Variants in PDE11A observed in about 807,000 individuals in gnomAD.
PDE11A encodes the protein phosphodiesterase 11A, also known as dual 3',5'-cyclic-AMP and -GMP phosphodiesterase 11A.
PDE11A carries 100 observed loss-of-function variants against 100.5 expected under a neutral mutation model. The observed-to-expected ratio is 1.00, with a 90% confidence interval of 0.85 to 1.18. The LOEUF is 1.18. Ranked by LOEUF, PDE11A falls within the 50% of genes most tolerant of loss-of-function variation. The probability of loss-of-function intolerance (pLI) is 0.00; values close to 1 mark genes in which losing one functional copy is unlikely to be tolerated. For missense variants in PDE11A, 1,141 were observed against 1,152.6 expected, an observed-to-expected ratio of 0.99 and a Z score of 0.15; for synonymous variants, 381 against 420.8, an observed-to-expected ratio of 0.91 and a Z score of 1.16.
At position 177,736,873 on chromosome 2, in the gene PDE11A, A is replaced by G. The variant is rs201534699; in HGVS notation, c.1789-8701T>C. ...CAGCACCTCAACCACTGACCACCCA[A>G]TGGAAATGACACCTGTTTGGGTAAT... On this transcript the variant is annotated intron_variant, in intron 10 of 19. Coordinates refer to ENST00000286063, the MANE Select transcript of PDE11A (RefSeq NM_016953.4). Among the ~76,000 whole-genome samples, 14 of 152,244 alleles carry G rather than the reference A, an allele frequency of 9.2e-5. No individual in the cohort carries two copies. In the East Asian group the frequency reaches 1.4e-3, roughly 15 times the overall value.
At chr2:177,774,635 C>T (rs574492266) in intron 9 of PDE11A, among the ~76,000 whole-genome samples, 2 of 152,228 alleles carry the variant, frequency 1.3e-5, no homozygotes, top group Non-Finnish European at 2.9e-5. Flanking sequence ...CATACACTCT[C>T]ATGGCTTTAT....
chr2:177,881,089 A>T (rs1038255676), intron 4 of PDE11A, among the ~76,000 whole-genome samples: 3 of 152,182 alleles, frequency 2.0e-5, no homozygotes, highest in African/African-American at 7.2e-5. Context: ...CAATCCACTG[A>T]GGGCTCAGAT....
At chr2:177,719,546 C>T (rs1334139800) in intron 12 of PDE11A, among the ~76,000 whole-genome samples, 1 of 152,064 alleles carries the variant, frequency 6.6e-6, no homozygotes, top group Non-Finnish European at 1.5e-5. Context: ...CAGACAATTC[C>T]AAGGGGTTGG....
chr2:177,813,893 G>A (rs2082992729), intron 9 of PDE11A, among the ~76,000 whole-genome samples: 1 of 151,260 alleles, frequency 6.6e-6, no homozygotes, highest in African/African-American at 2.4e-5. Flanking sequence ...TTTAGACACA[G>A]CTCTTTTGGG....
intron 12 of PDE11A, among the ~76,000 whole-genome samples, chr2:177,717,651 T>C (rs1240889162): frequency 3.3e-5 from 5 of 152,102 alleles, no homozygotes; most frequent in African/African-American, 1.2e-4. Context: ...ATAAACCTAT[T>C]TCCCATGTCA....
chr2:177,710,838 A>G (rs1264704862), intron 13 of PDE11A, among the ~76,000 whole-genome samples: 6 of 152,220 alleles, frequency 3.9e-5, no homozygotes, highest in African/African-American at 1.2e-4. Context: ...ACCTGTTGAC[A>G]AAGAGCAGAC....
rs2081363155 is a variant in PDE11A at position 177,711,827 on chromosome 2, C to G, written c.2095G>C (p.Val699Leu). 6.2e-7 allele frequency: 1 copy of G among 1,613,230 alleles called. No individual in the cohort carries two copies. Among genetic ancestry groups the G allele is most frequent in the Non-Finnish European group, 8.5e-7 (1 of 1,179,320 alleles). Reference protein sequence around the residue: ...LTEVEILAVIVGCLCHDLDHR... With the variant: ...LTEVEILAVILGCLCHDLDHR... ...TCGAGGTCATGACACAGGCATCCCA[C>G]AATCACCGCTAAAATTTCCACCTCG... The change falls in exon 13 of 20, where the codon GTG becomes CTG. Residue 699 changes from valine (V) to leucine (L), a missense_variant. Physicochemically the swap from Val to Leu is conservative, Grantham distance 32. Coordinates refer to ENST00000286063, the MANE Select transcript of PDE11A (RefSeq NM_016953.4).
chr2:177,660,290 T>TA lies in PDE11A; in HGVS notation c.2646+3575dup, dbSNP rs201586760. On this transcript the variant is annotated intron_variant, in intron 19 of 19. Coordinates refer to ENST00000286063, the MANE Select transcript of PDE11A (RefSeq NM_016953.4). ...AAGCCTGGCCTACATCCTTATTAGATAGCTATTCATCGATTTGGGACTGTT... is the reference window on the plus strand; with the variant it reads ...AAGCCTGGCCTACATCCTTATTAGATAAGCTATTCATCGATTTGGGACTGTT... Among the ~76,000 whole-genome samples the TA allele has an allele frequency of 1.2e-3, 183 of 152,048 alleles. 3 individuals are homozygous for TA. The East Asian group carries it at 0.028, about 23-fold the overall frequency.
chr2:177,681,355 T>A (rs1264622095), intron 15 of PDE11A, among the ~76,000 whole-genome samples: 2 of 152,194 alleles, frequency 1.3e-5, no homozygotes, highest in Non-Finnish European at 2.9e-5. Flanking sequence ...ATAAATATAT[T>A]TTTTTCCAGG....
chr2:178,086,238 G>A (rs1300303567), intron 2 of PDE11A, among the ~76,000 whole-genome samples: 1 of 151,542 alleles, frequency 6.6e-6, no homozygotes, highest in Admixed American at 6.6e-5. Flanking sequence ...AAATGCAAAA[G>A]TGTAAGCTTC....
At position 177,783,418 on chromosome 2, in the gene PDE11A, T is replaced by C. The variant is rs563871393; in HGVS notation, c.1738-14045A>G. 8.5e-5 allele frequency among the ~76,000 whole-genome samples: 13 copies of C among 152,162 alleles called. No homozygotes were observed. The East Asian group carries it at 1.4e-3, about 16-fold the overall frequency. On this transcript the variant is annotated intron_variant, in intron 9 of 19. Coordinates refer to ENST00000286063, the MANE Select transcript of PDE11A (RefSeq NM_016953.4). Reference sequence around the variant, plus strand: ...GTCCATGTTTTTGAGGTGGTTTTTTTCCCCCTGGAATTTGGACTGATTTCT... The same window carrying C: ...GTCCATGTTTTTGAGGTGGTTTTTTCCCCCCTGGAATTTGGACTGATTTCT...
intron 4 of PDE11A, among the ~76,000 whole-genome samples, chr2:177,896,009 T>C (rs1444088764): frequency 6.6e-6 from 1 of 152,166 alleles, no homozygotes; most frequent in Non-Finnish European, 1.5e-5. Context: ...AGTTTGGTTT[T>C]TCCATCAATA....
intron 19 of PDE11A, among the ~76,000 whole-genome samples, chr2:177,655,850 T>C (rs971567892): frequency 1.3e-5 from 2 of 152,254 alleles, no homozygotes; most frequent in Non-Finnish European, 2.9e-5. Context: ...CTCGAAATCA[T>C]ATGTATGCAA....
At chr2:177,877,258 G>C (rs1032653511) in intron 4 of PDE11A, among the ~76,000 whole-genome samples, 1 of 144,046 alleles carries the variant, frequency 6.9e-6, no homozygotes, top group African/African-American at 2.7e-5. Context: ...TCCGCCTCCC[G>C]GGTTCAAGTA....
intron 1 of PDE11A, among the ~76,000 whole-genome samples, chr2:178,054,124 C>G (rs2086867511): frequency 6.6e-6 from 1 of 152,192 alleles, no homozygotes; most frequent in African/African-American, 2.4e-5. Flanking sequence ...GGAACCAAAA[C>G]AGCATGGTAC....
At chr2:177,644,990 G>A (rs573413799) in intron 19 of PDE11A, among the ~76,000 whole-genome samples, 1 of 152,292 alleles carries the variant, frequency 6.6e-6, no homozygotes, top group Non-Finnish European at 1.5e-5. Context: ...GGAACTGTAA[G>A]TCCATTAAAC....
In PDE11A at chr2:178,104,590, A is replaced by G. The variant is rs2087597709; in HGVS notation, c.-13-114T>C. 6.1e-6 allele frequency: 5 copies of G among 819,684 alleles called. No homozygotes were observed. The East Asian group carries it at 1.1e-4, about 17-fold the overall frequency. 50.8% of individuals were successfully genotyped at this position (819,684 alleles called of 1,614,324 possible). On this transcript the variant is annotated intron_variant, in intron 1 of 20. Transcript: ENST00000358450. ...CTGAAGTGAATGCTGATGATGTTAA[A>G]CAAAAACATATCCTTTAAAGCATGC...
chr2:177,811,213 C>A (rs1558949909), intron 9 of PDE11A, among the ~76,000 whole-genome samples: 1 of 152,002 alleles, frequency 6.6e-6, no homozygotes, highest in Non-Finnish European at 1.5e-5. Flanking sequence ...CTAAGAATTT[C>A]TACTCTCAGA....
chr2:177,721,095 C>G (rs1254003091), intron 12 of PDE11A, among the ~76,000 whole-genome samples: 1 of 151,968 alleles, frequency 6.6e-6, no homozygotes, highest in African/African-American at 2.4e-5. Flanking sequence ...ACATTTATAA[C>G]CACTTCTAAG....
Sources: allele counts gnomAD v4.1 joint callset (sites outside exome capture counted in the v4.1 genomes callset), GRCh38; gene constraint gnomAD v4.1.1; transcripts MANE v1.5; gene names NCBI Gene and HGNC (gene_info 2026-07-23, HGNC 2026-07-21).